Variants in ATG7 observed in about 807,000 individuals in gnomAD.
The protein encoded by ATG7 is autophagy related 7.
A neutral mutation model predicts 82.4 loss-of-function variants in ATG7; 70 were observed. The ratio of observed to expected loss-of-function variants is 0.85; its 90% CI spans 0.70 to 1.04. The LOEUF (loss-of-function observed/expected upper bound fraction) is 1.04, where lower values mean the gene tolerates loss of function less well. Ranked by LOEUF, ATG7 falls within the 50% of genes least tolerant of loss-of-function variation. The pLI, the probability that ATG7 is intolerant of heterozygous loss-of-function variation, is 0.00. For synonymous variants in ATG7, 287 were observed against 313.0 expected (o/e 0.92, Z 0.88); for missense variants, 792 against 864.3 (o/e 0.92, Z 1.05).
intron 20 of ATG7, among the ~76,000 whole-genome samples, chr3:11,483,865 G>C (rs1574943164): frequency 1.3e-5 from 2 of 152,216 alleles, no homozygotes; most frequent in Admixed American, 1.3e-4. Flanking sequence ...GGGCTTCGTA[G>C]GCTACATTGT....
At chr3:11,565,048 G>C in the ATG7 span, 236 of 1,464,394 alleles carry the variant, frequency 1.6e-4, 1 homozygote, top group African/African-American at 2.2e-4. The surrounding 1 kb of genome is among the most constrained non-coding windows in gnomAD (Gnocchi z 4.1). Context: ...CATTCAGGGG[G>C]CGTTTTCTCA....
At chr3:11,336,233 C>T (rs1417645773) in intron 11 of ATG7, among the ~76,000 whole-genome samples, 1 of 151,742 alleles carries the variant, frequency 6.6e-6, no homozygotes, top group African/African-American at 2.4e-5. Context: ...CGGGGTTTCA[C>T]CGTGTACCCA....
chr3:11,429,904 C>T (rs373941355), intron 20 of ATG7, among the ~76,000 whole-genome samples: 4 of 144,246 alleles, frequency 2.8e-5, no homozygotes, highest in Admixed American at 7.3e-5. Flanking sequence ...TGAAATCGCG[C>T]GACTGAATTC....
At chr3:11,317,545 A>G (rs1211942860) in intron 9 of ATG7, among the ~76,000 whole-genome samples, 1 of 150,194 alleles carries the variant, frequency 6.7e-6, no homozygotes, top group African/African-American at 2.4e-5. Context: ...TCACACGACC[A>G]CATTGTCTGA....
chr3:11,549,356 T>G (rs1283968215), intron 20 of ATG7, among the ~76,000 whole-genome samples: 1 of 152,228 alleles, frequency 6.6e-6, no homozygotes, highest in African/African-American at 2.4e-5. Flanking sequence ...CCATAGCATG[T>G]GGTGAGAGCA....
chr3:11,471,627 T>G (rs898182231), intron 20 of ATG7, among the ~76,000 whole-genome samples: 1 of 150,906 alleles, frequency 6.6e-6, no homozygotes, highest in African/African-American at 2.4e-5. Flanking sequence ...ATTCCCCAGG[T>G]GATGGTCAAA....
At chr3:11,559,089 C>T (rs7617620), downstream of ATG7, among the ~76,000 whole-genome samples, 108,163 of 152,192 alleles carry the variant, frequency 0.71, 39,278 homozygotes, top group African/African-American at 0.87. Flanking sequence ...TAACAGTAGC[C>T]GCTGCCCTCC....
chr3:11,476,670 A>ATTTAT (rs2088276751), intron 20 of ATG7, among the ~76,000 whole-genome samples: 1 of 152,130 alleles, frequency 6.6e-6, no homozygotes, highest in Non-Finnish European at 1.5e-5. Flanking sequence ...CTCTATTCCC[A>ATTTAT]TTTATTTTAT....
intron 6 of ATG7, chr3:11,308,777 G>A: frequency 1.7e-6 from 1 of 592,636 alleles, no homozygotes; most frequent in Non-Finnish European, 3.0e-6. Context: ...TCCCTCACTT[G>A]GCTTAGATGT....
At chr3:11,557,878 A>G (rs1347106230), downstream of ATG7, 2 of 152,746 alleles carry the variant, frequency 1.3e-5, no homozygotes, top group African/African-American at 4.8e-5. Context: ...TAGAGAGAGA[A>G]AGACCTATAA....
intron 19 of ATG7, among the ~76,000 whole-genome samples, chr3:11,390,268 G>T (rs562329915): frequency 6.6e-6 from 1 of 152,230 alleles, no homozygotes; most frequent in African/African-American, 2.4e-5. Flanking sequence ...AAGGCACACA[G>T]ATTTTTTAAA....
At chr3:11,289,194 C>T (rs1467771809) in intron 3 of ATG7, among the ~76,000 whole-genome samples, 1 of 152,218 alleles carries the variant, frequency 6.6e-6, no homozygotes, top group Non-Finnish European at 1.5e-5. Flanking sequence ...TTCACTTGCA[C>T]TGTCCAGGGT....
chr3:11,550,189 T>C (rs1424133500), intron 20 of ATG7, among the ~76,000 whole-genome samples: 1 of 152,210 alleles, frequency 6.6e-6, no homozygotes, highest in Non-Finnish European at 1.5e-5. Context: ...CCTTCCAAGA[T>C]CAGAAATTTT....
intron 20 of ATG7, among the ~76,000 whole-genome samples, chr3:11,534,302 G>A (rs1255644700): frequency 6.6e-6 from 1 of 152,252 alleles, no homozygotes; most frequent in Non-Finnish European, 1.5e-5. Flanking sequence ...GCAGGCAGAT[G>A]CCCGTTCTGC....
chr3:11,485,755 C>T (rs567627723), intron 20 of ATG7, among the ~76,000 whole-genome samples: 72 of 152,314 alleles, frequency 4.7e-4, no homozygotes, highest in African/African-American at 1.5e-3. Flanking sequence ...CAGCTTTCTA[C>T]GTATGGCTAG....
chr3:11,488,371 G>C (rs926237985), intron 20 of ATG7: 1 of 1,003,012 alleles, frequency 1.0e-6, no homozygotes, highest in East Asian at 3.9e-5. Flanking sequence ...ACTCGCCGGC[G>C]CGGCGGCAAA....
intron 20 of ATG7, among the ~76,000 whole-genome samples, chr3:11,436,225 C>T (rs1484098684): frequency 6.6e-6 from 1 of 152,124 alleles, no homozygotes; most frequent in Non-Finnish European, 1.5e-5. Context: ...AAATAAGATG[C>T]CCAACATCAA....
In ATG7 at chr3:11,540,145, G is replaced by A. The variant is rs371381130; in HGVS notation, c.2080-14666G>A. Among the ~76,000 whole-genome samples the A allele has an allele frequency of 1.5e-4, 23 of 152,330 alleles. No individual in the cohort carries two copies. In the East Asian group the frequency reaches 3.9e-3, roughly 26 times the overall value. On this transcript the variant is annotated intron_variant, in intron 20 of 20. Coordinates refer to ENST00000693202, the MANE Select transcript of ATG7 (RefSeq NM_001349232.2). ...TGTTATTTTTCAAATTCACTGTGTC[G>A]TTTTTGCTGTTGCCACCAGCAGAGT...
At chr3:11,533,637 TC>T (rs1451019356) in intron 20 of ATG7, among the ~76,000 whole-genome samples, 2 of 151,774 alleles carry the variant, frequency 1.3e-5, no homozygotes, top group Non-Finnish European at 2.9e-5. Context: ...AAAAACTGCT[TC>T]CTGAGAAGGT....
Sources: gnomAD v4.1 joint callset for allele counts (sites outside exome capture counted in the v4.1 genomes callset) on GRCh38, gnomAD v4.1.1 for gene constraint, Gnocchi (gnomAD v3.1) non-coding constraint, MANE v1.5 for transcripts, NCBI Gene and HGNC (gene_info 2026-07-23, HGNC 2026-07-21) for gene names.